The following EPHB1 variants were observed in gnomAD, a reference collection of about 807,000 sequenced individuals.
EPHB1 encodes ephrin type-B receptor 1.
A neutral mutation model predicts 94.4 loss-of-function variants in EPHB1; 30 were observed. The ratio of observed to expected loss-of-function variants is 0.32; its 90% CI spans 0.24 to 0.43. EPHB1 has a LOEUF of 0.43. Ranked by LOEUF, EPHB1 falls within the 20% of genes least tolerant of loss-of-function variation. EPHB1 has a pLI of 1.00. For missense variants in EPHB1, 1,055 were observed against 1,308.3 expected (o/e 0.81, Z 2.99); for synonymous variants, 522 against 489.1 (o/e 1.07, Z -0.89).
chr3:135,006,348 G>A (rs550882741), intron 3 of EPHB1, among the ~76,000 whole-genome samples: 1 of 152,282 alleles, frequency 6.6e-6, no homozygotes, highest in South Asian at 2.1e-4. Context: ...TGTTTAATGA[G>A]TACAGAATTT....
chr3:135,163,399 C>T (rs1941566180), intron 7 of EPHB1, among the ~76,000 whole-genome samples: 2 of 152,138 alleles, frequency 1.3e-5, no homozygotes, highest in African/African-American at 4.8e-5. Context: ...AACCGTCTGG[C>T]CCCTGTAGGA....
At chr3:135,168,857 A>C (rs899240270) in intron 9 of EPHB1, among the ~76,000 whole-genome samples, 1 of 152,200 alleles carries the variant, frequency 6.6e-6, no homozygotes, top group Non-Finnish European at 1.5e-5. Context: ...ATTAGGTTCA[A>C]AAGGAGGAAT....
intron 3 of EPHB1, among the ~76,000 whole-genome samples, chr3:135,034,074 A>C (rs1936570628): frequency 6.6e-6 from 1 of 152,278 alleles, no homozygotes; most frequent in South Asian, 2.1e-4. Context: ...TGAGAAGGAA[A>C]GAAAAACACG....
intron 3 of EPHB1, among the ~76,000 whole-genome samples, chr3:135,096,963 A>G (rs1011520563): frequency 2.6e-5 from 4 of 151,942 alleles, no homozygotes; most frequent in East Asian, 3.9e-4. Flanking sequence ...AGGTGTGGTG[A>G]CACATGCCTG....
chr3:135,007,375 C>A (rs928402033), intron 3 of EPHB1, among the ~76,000 whole-genome samples: 1 of 152,172 alleles, frequency 6.6e-6, no homozygotes, highest in African/African-American at 2.4e-5. Flanking sequence ...TTCTGAAGAA[C>A]CAGACACTCT....
chr3:134,954,621 C>G (rs1366157986), intron 3 of EPHB1, among the ~76,000 whole-genome samples: 2 of 152,194 alleles, frequency 1.3e-5, no homozygotes, highest in Non-Finnish European at 1.5e-5. Flanking sequence ...GCTGATGGCT[C>G]TATGATTCAT....
chr3:134,970,023 T>A (rs1430917632), intron 3 of EPHB1, among the ~76,000 whole-genome samples: 1 of 152,240 alleles, frequency 6.6e-6, no homozygotes. Flanking sequence ...TTGTCGAATA[T>A]GTGATTTGCA....
intron 1 of EPHB1, among the ~76,000 whole-genome samples, chr3:134,921,882 A>ACAGAGGGAGGG (rs1395538067): frequency 6.6e-6 from 1 of 152,172 alleles, no homozygotes; most frequent in Non-Finnish European, 1.5e-5. Flanking sequence ...ATGGAGAGAG[A>ACAGAGGGAGGG]CAGAGGGAGG....
At position 135,258,988 on chromosome 3, in the gene EPHB1, T is replaced by C. The variant is rs1034833599; in HGVS notation, c.2847-24T>C. On this transcript the variant is annotated intron_variant, in intron 15 of 15. Transcript: ENST00000398015. ...AAGCTAACCTAACACTAAAGTGACT[T>C]CTTTTCTGGCTCTTTCCTCCTAGAG... The C allele has an allele frequency of 3.8e-6, 6 of 1,565,098 alleles. No homozygotes were observed. The Admixed American group carries it at 5.4e-5, about 14-fold the overall frequency.
chr3:134,843,980 A>T (rs936903522), intron 1 of EPHB1, among the ~76,000 whole-genome samples: 2 of 152,144 alleles, frequency 1.3e-5, no homozygotes, highest in Middle Eastern at 3.2e-3. Flanking sequence ...TTCTGTTGAA[A>T]ATGGGACATT....
intron 11 of EPHB1, among the ~76,000 whole-genome samples, chr3:135,200,909 G>C (rs1942734660): frequency 6.6e-6 from 1 of 152,118 alleles, no homozygotes. Flanking sequence ...ACATGTTGAG[G>C]GCCCTAAGGC....
At chr3:134,919,399 C>T (rs2038632029) in intron 1 of EPHB1, among the ~76,000 whole-genome samples, 1 of 152,198 alleles carries the variant, frequency 6.6e-6, no homozygotes, top group African/African-American at 2.4e-5. Flanking sequence ...AGAACACAGG[C>T]TGGTGCCCTT....
chr3:135,213,111 A>C (rs1316796183), intron 12 of EPHB1, among the ~76,000 whole-genome samples: 1 of 152,186 alleles, frequency 6.6e-6, no homozygotes, highest in Non-Finnish European at 1.5e-5. Flanking sequence ...CCAGGTCCTC[A>C]AACTTCATCT....
Position 135,096,817 on chromosome 3 carries a change from G to A in EPHB1, c.806-9631G>A, listed in dbSNP as rs572184951. Among the ~76,000 whole-genome samples the A allele has an allele frequency of 9.6e-4, 146 of 152,242 alleles. 2 individuals carry two copies. Among genetic ancestry groups the A allele is most frequent in the Admixed American group, 3.1e-3 (47 of 15,302 alleles). On this transcript the variant is annotated intron_variant, in intron 3 of 15. Transcript: ENST00000398015. ...ACCTCCAAGTAGTATCATATTCGGGGCCAGGCACAATGGCTCATGCCTGTA... is the reference window on the plus strand; with the variant it reads ...ACCTCCAAGTAGTATCATATTCGGGACCAGGCACAATGGCTCATGCCTGTA...
At chr3:135,058,734 T>C (rs552164870) in intron 3 of EPHB1, among the ~76,000 whole-genome samples, 1 of 152,352 alleles carries the variant, frequency 6.6e-6, no homozygotes, top group East Asian at 1.9e-4. Context: ...GAGCATCCTC[T>C]GCTCCACAGA....
At chr3:134,827,256 C>T (rs1031757832) in intron 1 of EPHB1, among the ~76,000 whole-genome samples, 11 of 152,214 alleles carry the variant, frequency 7.2e-5, no homozygotes, top group Admixed American at 4.6e-4. Context: ...GTTTCTCTAA[C>T]GCCTTAGTCT....
intron 3 of EPHB1, among the ~76,000 whole-genome samples, chr3:135,083,670 TAGG>T (rs1007667540): frequency 1.3e-5 from 2 of 152,066 alleles, no homozygotes; most frequent in African/African-American, 4.8e-5. Context: ...GAGGTGCAGG[TAGG>T]AGAAGGTGGT....
At chr3:135,193,360 A>C (rs1224619943) in intron 11 of EPHB1, among the ~76,000 whole-genome samples, 1 of 152,266 alleles carries the variant, frequency 6.6e-6, no homozygotes, top group Admixed American at 6.5e-5. Flanking sequence ...GAAGATTCCC[A>C]ACCAACTTGC....
At chr3:134,922,153 T>C (rs2038701369) in intron 1 of EPHB1, among the ~76,000 whole-genome samples, 1 of 152,220 alleles carries the variant, frequency 6.6e-6, no homozygotes, top group East Asian at 1.9e-4. Context: ...CGTGCCACTG[T>C]CTGAGAGCAG....
Sources: allele counts gnomAD v4.1 joint callset (sites outside exome capture counted in the v4.1 genomes callset), GRCh38; gene constraint gnomAD v4.1.1; transcripts MANE v1.5; gene names NCBI Gene and HGNC (gene_info 2026-07-23, HGNC 2026-07-21).